Variants in NRXN3 observed in about 807,000 individuals in gnomAD.
The protein encoded by NRXN3 is neurexin 3.
Under a neutral mutation model 137.6 loss-of-function variants are expected in NRXN3, and 32 were observed. That is an observed-to-expected ratio of 0.23 (90% CI 0.18 to 0.31). The LOEUF is 0.31. Among genes scored for constraint, NRXN3 ranks in the 10% least tolerant of loss-of-function variants. The probability of loss-of-function intolerance (pLI) is 1.00; values close to 1 mark genes in which losing one functional copy is unlikely to be tolerated. For synonymous variants in NRXN3, 798 were observed against 784.5 expected (o/e 1.02, Z -0.29); for missense variants, 1,574 against 2,062.5 (o/e 0.76, Z 4.59).
chr14:79,026,956 A>AAG (rs1568032906), intron 15 of NRXN3, among the ~76,000 whole-genome samples: 12 of 154 alleles, frequency 0.078, no homozygotes, highest in Admixed American at 0.5. Context: ...AATTTTATAT[A>AAG]TATATATATA....
At chr14:78,851,487 A>T (rs2099042510) in intron 10 of NRXN3, among the ~76,000 whole-genome samples, 1 of 152,200 alleles carries the variant, frequency 6.6e-6, no homozygotes, top group African/African-American at 2.4e-5. Flanking sequence ...GTTTTAATAC[A>T]TCACTTCAGA....
intron 15 of NRXN3, among the ~76,000 whole-genome samples, chr14:79,147,735 GAA>G (rs1296797449): frequency 6.6e-6 from 1 of 152,088 alleles, no homozygotes; most frequent in Admixed American, 6.6e-5. Flanking sequence ...GGTCCTTTTT[GAA>G]GTGACCAGGG....
chr14:78,955,266 G>C (rs1227791624), intron 10 of NRXN3, among the ~76,000 whole-genome samples: 1 of 152,132 alleles, frequency 6.6e-6, no homozygotes, highest in Non-Finnish European at 1.5e-5. Context: ...ATCTGTTCTT[G>C]TTATAAAGAA....
chr14:79,407,803 G>A (rs2153506831), intron 15 of NRXN3, among the ~76,000 whole-genome samples: 1 of 152,234 alleles, frequency 6.6e-6, no homozygotes, highest in East Asian at 1.9e-4. Context: ...CCAGAGAGTG[G>A]TGGGGGAATC....
At chr14:78,400,260 A>C (rs2091924536) in intron 4 of NRXN3, among the ~76,000 whole-genome samples, 1 of 152,176 alleles carries the variant, frequency 6.6e-6, no homozygotes, top group African/African-American at 2.4e-5. Flanking sequence ...CCCTCCATCC[A>C]TTCCATTACT....
intron 4 of NRXN3, among the ~76,000 whole-genome samples, chr14:78,471,916 A>G (rs1449359062): frequency 6.6e-6 from 1 of 152,198 alleles, no homozygotes; most frequent in Non-Finnish European, 1.5e-5. Flanking sequence ...ACTTGAACCA[A>G]CCTAAAAGAA....
intron 15 of NRXN3, among the ~76,000 whole-genome samples, chr14:79,120,136 G>A (rs1156841624): frequency 6.6e-6 from 1 of 152,012 alleles, no homozygotes; most frequent in Non-Finnish European, 1.5e-5. Context: ...CAAATGGCCA[G>A]CGAGATCTCT....
intron 2 of NRXN3, among the ~76,000 whole-genome samples, chr14:78,261,141 C>T (rs183156446): frequency 2.6e-5 from 4 of 152,148 alleles, no homozygotes; most frequent in Non-Finnish European, 5.9e-5. Flanking sequence ...TCTCTCACCC[C>T]CTATTCAATC....
At chr14:78,500,493 T>C (rs2095859868) in intron 4 of NRXN3, among the ~76,000 whole-genome samples, 1 of 152,166 alleles carries the variant, frequency 6.6e-6, no homozygotes, top group Non-Finnish European at 1.5e-5. Context: ...AGAAGTTGCC[T>C]TCTACAGTAA....
intron 15 of NRXN3, among the ~76,000 whole-genome samples, chr14:79,132,842 G>A (rs1343668584): frequency 1.3e-5 from 2 of 152,208 alleles, no homozygotes; most frequent in African/African-American, 2.4e-5. Flanking sequence ...TGCGATGCAG[G>A]CCCAACAATG....
chr14:78,886,186 A>G (rs1018481100), intron 10 of NRXN3, among the ~76,000 whole-genome samples: 2 of 152,156 alleles, frequency 1.3e-5, no homozygotes, highest in Admixed American at 6.6e-5. Flanking sequence ...TATTTGGTGG[A>G]CAGTAAATGA....
chr14:78,288,727 A>G (rs2075459785), intron 3 of NRXN3, among the ~76,000 whole-genome samples: 1 of 152,206 alleles, frequency 6.6e-6, no homozygotes, highest in Non-Finnish European at 1.5e-5. Context: ...GAGTGATGGC[A>G]TAACTACCTT....
At chr14:79,517,797 T>G (rs2097009186) in intron 16 of NRXN3, among the ~76,000 whole-genome samples, 1 of 151,986 alleles carries the variant, frequency 6.6e-6, no homozygotes, top group Non-Finnish European at 1.5e-5. Context: ...GGTCTGTCAG[T>G]GCACATTTTT....
intron 1 of NRXN3, among the ~76,000 whole-genome samples, chr14:78,239,824 C>G (rs1396496810): frequency 6.6e-6 from 1 of 152,164 alleles, no homozygotes; most frequent in African/African-American, 2.4e-5. Context: ...CTCCCTGCCT[C>G]AGCCTCTCGA....
rs929570940 is a variant in NRXN3, at chr14:79,543,584, C to T, written c.3444+76182C>T. ...GTGGCCACAGCATGAACTGGAGAGT[C>T]GGCTGTATTTGGCATGACAAGGTTG... On this transcript the variant is annotated intron_variant, in intron 16 of 20. Coordinates refer to ENST00000335750, the MANE Select transcript of NRXN3 (RefSeq NM_001330195.2). 1.3e-4 allele frequency among the ~76,000 whole-genome samples: 20 copies of T among 152,208 alleles called. 1 individual carries two copies. Among genetic ancestry groups the T allele is most frequent in the African/African-American group, 3.9e-4 (16 of 41,536 alleles).
At chr14:79,105,804 C>A (rs1315211855) in intron 15 of NRXN3, among the ~76,000 whole-genome samples, 3 of 152,116 alleles carry the variant, frequency 2.0e-5, no homozygotes, top group African/African-American at 7.2e-5. Flanking sequence ...GGGCCTGGGG[C>A]AGGTTCACAA....
At chr14:79,594,117 T>G (rs1388442341) in intron 16 of NRXN3, among the ~76,000 whole-genome samples, 1 of 152,246 alleles carries the variant, frequency 6.6e-6, no homozygotes, top group East Asian at 1.9e-4. Flanking sequence ...TTATCTGTTT[T>G]GTAAATTAGG....
Position 78,263,970 on chromosome 14 carries a change from T to A in NRXN3, c.710-14675T>A, listed in dbSNP as rs148370248. The stretch of plus-strand genomic sequence containing the variant: ...TTTTTTCCGGGTCAGTTTTTGCAGT[T>A]TGAAAAACCAAATCTTCTTCCTACA... On this transcript the variant is annotated intron_variant, in intron 2 of 20. Transcript: ENST00000335750. 4.2e-4 allele frequency among the ~76,000 whole-genome samples: 63 copies of A among 150,408 alleles called. No individual in the cohort carries two copies. In the East Asian group the frequency reaches 0.012, roughly 30 times the overall value.
At chr14:79,812,316 A>C (rs2140873604) in intron 20 of NRXN3, among the ~76,000 whole-genome samples, 1 of 152,298 alleles carries the variant, frequency 6.6e-6, no homozygotes, top group East Asian at 1.9e-4. Context: ...GGTGCTGGGA[A>C]AACAAAAGTA....
Sources: gnomAD v4.1 joint callset for allele counts (sites outside exome capture counted in the v4.1 genomes callset) on GRCh38, gnomAD v4.1.1 for gene constraint, MANE v1.5 for transcripts, NCBI Gene and HGNC (gene_info 2026-07-23, HGNC 2026-07-21) for gene names.